Variants in CADM1 observed in about 807,000 individuals in gnomAD.
The protein encoded by CADM1 is cell adhesion molecule 1.
In CADM1, 15 loss-of-function variants were observed where a neutral mutation model predicts 53.1. That is an observed-to-expected ratio of 0.28 (90% CI 0.19 to 0.44). The LOEUF is 0.44. Ranked by LOEUF, CADM1 falls within the 20% of genes least tolerant of loss-of-function variation. The pLI, the probability that CADM1 is intolerant of heterozygous loss-of-function variation, is 1.00. For synonymous variants in CADM1, 281 were observed against 243.0 expected, an observed-to-expected ratio of 1.16 and a Z score of -1.45; for missense variants, 434 against 611.3, an observed-to-expected ratio of 0.71 and a Z score of 3.06.
chr11:115,176,383 A>G lies in CADM1; in HGVS notation c.*91T>C, dbSNP rs905946989. Reference sequence around the variant, plus strand: ...CACCTTTCCACCCATTCATAAAAAAACACACGAATTTCTCGCAAGTTCCAA... The same window carrying G: ...CACCTTTCCACCCATTCATAAAAAAGCACACGAATTTCTCGCAAGTTCCAA... On this transcript the variant is annotated 3_prime_UTR_variant, in exon 12 of 12. Coordinates refer to ENST00000331581, the MANE Select transcript of CADM1 (RefSeq NM_001301043.2). The G allele has an allele frequency of 2.5e-6, 4 of 1,603,282 alleles. No homozygotes were observed. The highest frequency in any genetic ancestry group is 2.6e-6 in the Non-Finnish European group (3 of 1,173,316).
intron 1 of CADM1, among the ~76,000 whole-genome samples, chr11:115,401,766 C>A (rs1947162839): frequency 6.6e-6 from 1 of 152,010 alleles, no homozygotes; most frequent in Admixed American, 6.5e-5. Flanking sequence ...TGGACAACAC[C>A]AAGAGTGAAC....
intron 1 of CADM1, among the ~76,000 whole-genome samples, chr11:115,481,040 A>G (rs543608370): frequency 1.3e-5 from 2 of 152,172 alleles, no homozygotes; most frequent in African/African-American, 4.8e-5. Flanking sequence ...ATATATATAA[A>G]CCTTCTCACA....
chr11:115,397,766 A>AT (rs1947040402), intron 1 of CADM1: 1 of 142 alleles, frequency 7.0e-3, no homozygotes, highest in Admixed American at 0.05. Flanking sequence ...GGAACTCTTA[A>AT]CAGGCATGCA....
intron 1 of CADM1, among the ~76,000 whole-genome samples, chr11:115,252,004 C>T (rs1295729543): frequency 6.6e-6 from 1 of 152,154 alleles, no homozygotes; most frequent in African/African-American, 2.4e-5. Flanking sequence ...TTAGTATCAT[C>T]TAAGTGTGGG....
At chr11:115,340,166 A>C (rs1248844125) in intron 1 of CADM1, 1 of 152,166 alleles carries the variant, frequency 6.6e-6, no homozygotes, top group Non-Finnish European at 1.5e-5. Flanking sequence ...GTGTTCCCTC[A>C]ATGACTGAAA....
chr11:115,220,964 T>C (rs997175327), intron 5 of CADM1, among the ~76,000 whole-genome samples: 2 of 152,228 alleles, frequency 1.3e-5, no homozygotes, highest in African/African-American at 2.4e-5. Flanking sequence ...ATTATGTTCA[T>C]AAATCAAATG....
intron 1 of CADM1, among the ~76,000 whole-genome samples, chr11:115,328,948 T>C (rs1037545424): frequency 6.6e-6 from 1 of 150,876 alleles, no homozygotes; most frequent in Non-Finnish European, 1.5e-5. Flanking sequence ...TTAACTTTTA[T>C]GGGCATCCTG....
intron 1 of CADM1, among the ~76,000 whole-genome samples, chr11:115,262,699 A>G (rs1943012950): frequency 6.6e-6 from 1 of 152,196 alleles, no homozygotes; most frequent in African/African-American, 2.4e-5. Flanking sequence ...GAGTGAACAA[A>G]TGAATGAACA....
At chr11:115,406,078 C>G (rs1947305143) in intron 1 of CADM1, among the ~76,000 whole-genome samples, 1 of 152,120 alleles carries the variant, frequency 6.6e-6, no homozygotes, top group Admixed American at 6.5e-5. Flanking sequence ...TTTTGCTTAA[C>G]TTTGGTTTCT....
chr11:115,205,850 G>C (rs1940649970), intron 8 of CADM1, among the ~76,000 whole-genome samples: 1 of 152,146 alleles, frequency 6.6e-6, no homozygotes, highest in Non-Finnish European at 1.5e-5. Context: ...AAATTTAATG[G>C]TACTATAATG....
At chr11:115,401,320 A>G (rs1345271427) in intron 1 of CADM1, among the ~76,000 whole-genome samples, 1 of 152,212 alleles carries the variant, frequency 6.6e-6, no homozygotes, top group Non-Finnish European at 1.5e-5. Flanking sequence ...TAAAAAGATC[A>G]GGGGTTGGCC....
At chr11:115,419,984 C>G (rs1168303660) in intron 1 of CADM1, among the ~76,000 whole-genome samples, 1 of 152,182 alleles carries the variant, frequency 6.6e-6, no homozygotes, top group African/African-American at 2.4e-5. Flanking sequence ...ACCTCATGCT[C>G]TCCTCCATTG....
intron 8 of CADM1, among the ~76,000 whole-genome samples, chr11:115,200,557 G>A (rs914343822): frequency 2.0e-5 from 3 of 152,054 alleles, no homozygotes; most frequent in African/African-American, 7.2e-5. Context: ...GAGCAACGGC[G>A]TGATCTTGGC....
intron 1 of CADM1, among the ~76,000 whole-genome samples, chr11:115,336,502 TA>T (rs1945271171): frequency 6.6e-6 from 1 of 152,140 alleles, no homozygotes; most frequent in South Asian, 2.1e-4. Context: ...CCTAATACAG[TA>T]AAACCTCTAT....
chr11:115,289,593 CTTTTTTTTTTTTTTTTTTTT>C (rs1268246393), intron 1 of CADM1, among the ~76,000 whole-genome samples: 1 of 109,032 alleles, frequency 9.2e-6, no homozygotes, highest in Non-Finnish European at 1.9e-5. Context: ...CTTTTTTTTT[CTTTTTTTTTTTTTTTTTTTT>C]GAGACAGAGT....
rs200841170 is a variant in CADM1, at chr11:115,404,150, A to T, written c.124+100121T>A. Among the ~76,000 whole-genome samples, 10 of 147,140 alleles carry T rather than the reference A, an allele frequency of 6.8e-5. No homozygotes were observed. In the East Asian group the frequency reaches 1.9e-3, roughly 27 times the overall value. On this transcript the variant is annotated intron_variant, in intron 1 of 11. Coordinates refer to ENST00000331581, the MANE Select transcript of CADM1 (RefSeq NM_001301043.2). ...AGACCAGCCTGGCCAACATGGTAAA[A>T]CCCTGTCTCTATGAAAAATACAAAA...
chr11:115,450,520 C>A (rs773722305), intron 1 of CADM1, among the ~76,000 whole-genome samples: 6 of 152,172 alleles, frequency 3.9e-5, no homozygotes, highest in Non-Finnish European at 7.4e-5. Context: ...ACTTCAAATG[C>A]GGAAAGCAGC....
In CADM1 at chr11:115,262,785, T is replaced by C. The variant is rs141485797; in HGVS notation, c.125-22365A>G. ...TCTTCACCTAAGCTTTTCTATGCCC[T>C]TGATGGGTCTTTTTTTTTTTCTTTA... On this transcript the variant is annotated intron_variant, in intron 1 of 11. Coordinates refer to ENST00000331581, the MANE Select transcript of CADM1 (RefSeq NM_001301043.2). 3.9e-5 allele frequency among the ~76,000 whole-genome samples: 6 copies of C among 152,196 alleles called. No individual in the cohort carries two copies. In the East Asian group the frequency reaches 1.2e-3, roughly 29 times the overall value.
At chr11:115,210,530 A>G (rs1940911372) in intron 7 of CADM1, among the ~76,000 whole-genome samples, 1 of 152,228 alleles carries the variant, frequency 6.6e-6, no homozygotes, top group African/African-American at 2.4e-5. Context: ...AGAGAAAAAA[A>G]AATTCTAAGC....
Sources: allele counts gnomAD v4.1 joint callset (sites outside exome capture counted in the v4.1 genomes callset), GRCh38; gene constraint gnomAD v4.1.1; transcripts MANE v1.5; gene names NCBI Gene and HGNC (gene_info 2026-07-23, HGNC 2026-07-21).